CBLB: variants seen among roughly 807,000 people sequenced by gnomAD.
CBLB encodes the protein Cbl proto-oncogene B.
CBLB carries 31 observed loss-of-function variants against 104.9 expected under a neutral mutation model. The ratio of observed to expected loss-of-function variants is 0.30; its 90% confidence interval spans 0.22 to 0.40. The LOEUF (loss-of-function observed/expected upper bound fraction) is 0.40. Among genes scored for constraint, CBLB ranks in the 10% least tolerant of loss-of-function variants. The pLI is 1.00. For synonymous variants in CBLB, 440 were observed against 422.6 expected, an observed-to-expected ratio of 1.04 and a Z score of -0.51; for missense variants, 1,062 against 1,214.6, an observed-to-expected ratio of 0.87 and a Z score of 1.87.
intron 18 of CBLB, among the ~76,000 whole-genome samples, chr3:105,669,769 G>C (rs2064871053): frequency 6.6e-6 from 1 of 152,166 alleles, no homozygotes. Context: ...ACGGTTGTGA[G>C]TATGACTTGT....
At chr3:105,706,659 A>G (rs1307723241) in intron 10 of CBLB, among the ~76,000 whole-genome samples, 2 of 152,188 alleles carry the variant, frequency 1.3e-5, no homozygotes, top group African/African-American at 4.8e-5. Context: ...ATTAGGATAA[A>G]TTATATTCTC....
At chr3:105,859,366 C>G (rs1260361010) in intron 2 of CBLB, among the ~76,000 whole-genome samples, 2 of 152,068 alleles carry the variant, frequency 1.3e-5, no homozygotes, top group Non-Finnish European at 2.9e-5. Context: ...TATAGAAAGC[C>G]CTGGGCTAGG....
intron 4 of CBLB, among the ~76,000 whole-genome samples, chr3:105,770,801 C>A (rs1333378560): frequency 6.6e-6 from 1 of 152,140 alleles, no homozygotes; most frequent in African/African-American, 2.4e-5. Context: ...GCATTGTTAG[C>A]AGAGCACTGT....
intron 3 of CBLB, among the ~76,000 whole-genome samples, chr3:105,817,289 G>A (rs774969493): frequency 9.2e-5 from 14 of 152,150 alleles, no homozygotes; most frequent in Non-Finnish European, 1.6e-4. Flanking sequence ...ATGAGTAAGG[G>A]AAGGATGAAA....
chr3:105,786,674 CCA>C (rs1162032983), intron 3 of CBLB, among the ~76,000 whole-genome samples: 12 of 152,168 alleles, frequency 7.9e-5, no homozygotes, highest in Non-Finnish European at 1.6e-4. Context: ...ACACTTAAAT[CCA>C]CAGTCTAAAA....
intron 13 of CBLB, 138 bp downstream of exon 13, chr3:105,693,356 T>C (rs1413145424): frequency 9.1e-6 from 6 of 660,592 alleles, no homozygotes; most frequent in Non-Finnish European, 1.7e-5. Flanking sequence ...TATGGTAATT[T>C]AGTTTGTAAA....
At chr3:105,832,416 T>C (rs1241900710) in intron 3 of CBLB, among the ~76,000 whole-genome samples, 1 of 152,218 alleles carries the variant, frequency 6.6e-6, no homozygotes, top group Non-Finnish European at 1.5e-5. Flanking sequence ...ACTTCAGTTA[T>C]ATACAAAAAC....
At chr3:105,706,575 A>C (rs775452404) in intron 10 of CBLB, among the ~76,000 whole-genome samples, 3 of 152,192 alleles carry the variant, frequency 2.0e-5, no homozygotes, top group Non-Finnish European at 4.4e-5. Flanking sequence ...CCTCATGTAA[A>C]GCTATTTGCA....
chr3:105,677,728 CATTTTT>C (rs899327386), intron 17 of CBLB, among the ~76,000 whole-genome samples: 18 of 150,608 alleles, frequency 1.2e-4, no homozygotes, highest in Non-Finnish European at 2.5e-4. Context: ...ATTAAGTCTT[CATTTTT>C]ATTTCAGATC....
In CBLB at chr3:105,659,163, T is replaced by C. The variant is rs1559707504; in HGVS notation, c.2756A>G (p.His919Arg). 1.2e-6 allele frequency: 2 copies of C among 1,613,976 alleles called. No individual in the cohort carries two copies. ...RPRRTAPEIH[H>R]RKPHGPEAAL... The stretch of plus-strand genomic sequence containing the variant: ...CGCCTCAGGCCCATGGGGTTTTCTG[T>C]GGTGAATTTCTGGTGCAGTCCTGCG... Residue 919 changes from histidine (H) to arginine (R), a missense_variant, in exon 19 of 19, where the codon CAC (histidine) becomes CGC (arginine). Physicochemically the swap from His to Arg is conservative, Grantham distance 29. This residue lies in a region of CBLB where 605 missense variants were observed against 582.6 expected (regional missense o/e 1.04). Coordinates refer to ENST00000394030, the MANE Select transcript of CBLB (RefSeq NM_170662.5).
rs754647936 is a variant in CBLB at position 105,681,724 on chromosome 3, C to T, written c.2296G>A (p.Gly766Arg). The change falls in exon 15 of 19, where the codon GGA becomes AGA. Residue 766 changes from glycine (G) to arginine (R), a missense_variant and splice_region_variant. Coordinates refer to ENST00000394030, the MANE Select transcript of CBLB (RefSeq NM_170662.5). ...AAAGGAAATTATATTCTATACGTAC[C>T]CTTTAAATATATGCTTAAGTCAGGG... ...NIPDLSIYLK[G>R]DVFDSASDPV... The T allele has an allele frequency of 1.2e-5, 19 of 1,599,032 alleles. No homozygotes were observed. In the South Asian group the frequency reaches 2.1e-4, roughly 18 times the overall value.
At chr3:105,776,325 A>G (rs2079451745) in intron 4 of CBLB, 71 bp downstream of exon 4, 3 of 1,330,886 alleles carry the variant, frequency 2.3e-6, no homozygotes, top group African/African-American at 1.5e-5. Context: ...TATATACCAT[A>G]TCCAACTGGA....
intron 3 of CBLB, among the ~76,000 whole-genome samples, chr3:105,840,608 G>C (rs781327954): frequency 2.0e-5 from 3 of 152,128 alleles, no homozygotes; most frequent in Non-Finnish European, 4.4e-5. Context: ...ACTTCATTTA[G>C]AAATATATCA....
At chr3:105,674,703 C>T (rs535134262) in intron 17 of CBLB, among the ~76,000 whole-genome samples, 243 of 152,266 alleles carry the variant, frequency 1.6e-3, no homozygotes, top group Admixed American at 2.6e-3. Context: ...GAAAAAAGCA[C>T]ATATACACTA....
chr3:105,682,329 A>C (rs1044631963), intron 14 of CBLB, among the ~76,000 whole-genome samples: 1 of 152,220 alleles, frequency 6.6e-6, no homozygotes, highest in African/African-American at 2.4e-5. Context: ...TACAATTCTG[A>C]CAGGAACATT....
At chr3:105,852,447 TATAG>T (rs1273906892) in intron 3 of CBLB, among the ~76,000 whole-genome samples, 49 of 152,270 alleles carry the variant, frequency 3.2e-4, no homozygotes, top group African/African-American at 1.2e-3. Flanking sequence ...TATAGGGTAA[TATAG>T]AAAGAAAATA....
At chr3:105,666,473 G>C (rs2064472230) in intron 18 of CBLB, among the ~76,000 whole-genome samples, 1 of 152,060 alleles carries the variant, frequency 6.6e-6, no homozygotes, top group African/African-American at 2.4e-5. Flanking sequence ...AGATCACAAG[G>C]TCAGGAGTTC....
At chr3:105,750,147 T>G (rs2076466116) in intron 5 of CBLB, among the ~76,000 whole-genome samples, 1 of 152,102 alleles carries the variant, frequency 6.6e-6, no homozygotes, top group Non-Finnish European at 1.5e-5. Context: ...GCCTCCCAAG[T>G]AGCTGGGACT....
rs78449401 is a variant in CBLB, at chr3:105,755,249, A to G, written c.567-3631T>C. On this transcript the variant is annotated intron_variant, in intron 4 of 18. Transcript: ENST00000394030. ...TGTGTCCATGTGATCTCATTGTTCA[A>G]TTCCCACCTATGAGTGAGAATATGC... 2.3e-3 allele frequency among the ~76,000 whole-genome samples: 348 copies of G among 152,046 alleles called. 2 individuals carry two copies. Among genetic ancestry groups the G allele is most frequent in the African/African-American group, 8.1e-3 (338 of 41,478 alleles).
Sources: allele counts gnomAD v4.1 joint callset (sites outside exome capture counted in the v4.1 genomes callset), GRCh38; gene constraint gnomAD v4.1.1; regional missense constraint gnomAD v4.1.1; transcripts MANE v1.5; gene names NCBI Gene and HGNC (gene_info 2026-07-23, HGNC 2026-07-21).